Variants in BCKDHB observed in about 807,000 individuals in gnomAD.
BCKDHB encodes the protein 2-oxoisovalerate dehydrogenase subunit beta, mitochondrial.
A neutral mutation model predicts 48.5 loss-of-function variants in BCKDHB; 41 were observed. That is an observed-to-expected ratio of 0.85 (90% CI 0.66 to 1.10). The LOEUF is 1.10. Among genes scored for constraint, BCKDHB ranks in the 50% least tolerant of loss-of-function variants. BCKDHB has a pLI of 0.00. For synonymous variants in BCKDHB, 201 were observed against 174.8 expected (o/e 1.15, Z -1.18); for missense variants, 496 against 494.2 (o/e 1.00, Z -0.03).
At chr6:80,356,925 C>G in the BCKDHB span, 2 of 118,618 alleles carry the variant, frequency 1.7e-5, no homozygotes, top group African/African-American at 6.5e-5. Flanking sequence ...TTTTCCCTCT[C>G]TCTCTCTCTC....
the BCKDHB span, among the ~76,000 whole-genome samples, chr6:80,393,366 G>A: frequency 7.4e-3 from 1,132 of 152,180 alleles, 14 homozygotes; most frequent in African/African-American, 0.025. Context: ...TAGGAAGTGG[G>A]GCCTTTAGGA....
intron 3 of BCKDHB, among the ~76,000 whole-genome samples, chr6:80,145,050 T>C (rs1326494797): frequency 1.3e-5 from 2 of 152,210 alleles, no homozygotes; most frequent in Admixed American, 1.3e-4. Flanking sequence ...GATTTTCTTG[T>C]TCAGTTTTAT....
At chr6:80,281,073 A>C (rs1428537187) in intron 9 of BCKDHB, among the ~76,000 whole-genome samples, 1 of 151,846 alleles carries the variant, frequency 6.6e-6, no homozygotes, top group African/African-American at 2.4e-5. Flanking sequence ...TACATTTTAG[A>C]TTTGTATCTG....
At chr6:80,337,471 C>A (rs1192681526) in intron 9 of BCKDHB, among the ~76,000 whole-genome samples, 1 of 151,854 alleles carries the variant, frequency 6.6e-6, no homozygotes, top group African/African-American at 2.4e-5. Flanking sequence ...AAATGGTGTT[C>A]CAATTTAGGT....
intron 8 of BCKDHB, among the ~76,000 whole-genome samples, chr6:80,219,844 A>G (rs1315929759): frequency 6.8e-6 from 1 of 147,872 alleles, no homozygotes; most frequent in East Asian, 1.9e-4. Flanking sequence ...ATGCTTCATT[A>G]TATACTAGTG....
At chr6:80,324,118 T>TA in intron 9 of BCKDHB, among the ~76,000 whole-genome samples, 1 of 152,174 alleles carries the variant, frequency 6.6e-6, no homozygotes, top group Non-Finnish European at 1.5e-5. Context: ...CCTTTCATCT[T>TA]ACAGTAGAGG....
chr6:80,396,991 T>A, the BCKDHB span, among the ~76,000 whole-genome samples: 1 of 152,222 alleles, frequency 6.6e-6, no homozygotes, highest in Non-Finnish European at 1.5e-5. Context: ...CAGTTGTGTA[T>A]GTTGTATCCT....
intron 9 of BCKDHB, among the ~76,000 whole-genome samples, chr6:80,274,177 T>C (rs1777869813): frequency 6.6e-6 from 1 of 152,018 alleles, no homozygotes; most frequent in African/African-American, 2.4e-5. Context: ...CAATGAAATA[T>C]CTTAAGTGCT....
At chr6:80,313,721 T>G (rs568055872) in intron 9 of BCKDHB, among the ~76,000 whole-genome samples, 65 of 152,312 alleles carry the variant, frequency 4.3e-4, no homozygotes, top group Non-Finnish European at 8.4e-4. Context: ...CTAGATTTGT[T>G]GATGTTTTGA....
chr6:80,299,003 CA>C (rs1562213132), intron 9 of BCKDHB, among the ~76,000 whole-genome samples: 1 of 152,074 alleles, frequency 6.6e-6, no homozygotes, highest in Non-Finnish European at 1.5e-5. Context: ...CAGATTAATC[CA>C]AAGAGAATAC....
intron 6 of BCKDHB, among the ~76,000 whole-genome samples, chr6:80,200,574 G>A (rs9688524): frequency 0.078 from 11,821 of 151,924 alleles, 536 homozygotes; most frequent in South Asian, 0.099. Flanking sequence ...CCACACACAG[G>A]GTTTGCCTTA....
intron 8 of BCKDHB, among the ~76,000 whole-genome samples, chr6:80,240,076 G>T (rs1776316748): frequency 1.3e-5 from 2 of 152,108 alleles, no homozygotes; most frequent in African/African-American, 4.8e-5. Context: ...GAATTGTCTT[G>T]GGAATGTGGG....
At chr6:80,321,027 C>T (rs700491) in intron 9 of BCKDHB, among the ~76,000 whole-genome samples, 118,761 of 152,044 alleles carry the variant, frequency 0.78, 46,744 homozygotes, top group Admixed American at 0.86. Context: ...ACCAAGAACA[C>T]CCAGGATAGA....
At chr6:80,420,166 C>A in the BCKDHB span, among the ~76,000 whole-genome samples, 3 of 152,170 alleles carry the variant, frequency 2.0e-5, no homozygotes, top group Non-Finnish European at 2.9e-5. Flanking sequence ...TTAAGGTCAG[C>A]CACTACCCAC....
At chr6:80,148,619 T>C (rs1771604836) in intron 3 of BCKDHB, among the ~76,000 whole-genome samples, 1 of 152,144 alleles carries the variant, frequency 6.6e-6, no homozygotes, top group South Asian at 2.1e-4. Flanking sequence ...TTTAAAAATA[T>C]CTGTGAGATT....
chr6:80,437,681 T>C, the BCKDHB span, among the ~76,000 whole-genome samples: 1 of 152,228 alleles, frequency 6.6e-6, no homozygotes, highest in African/African-American at 2.4e-5. Flanking sequence ...TTAAGACTAA[T>C]TTCTTTGATG....
the BCKDHB span, among the ~76,000 whole-genome samples, chr6:80,425,178 AG>A: frequency 2.6e-5 from 4 of 152,204 alleles, no homozygotes; most frequent in Non-Finnish European, 5.9e-5. Flanking sequence ...CCAAATATAC[AG>A]GGGATAATGA....
At chr6:80,408,615 T>A in the BCKDHB span, among the ~76,000 whole-genome samples, 2 of 152,176 alleles carry the variant, frequency 1.3e-5, no homozygotes, top group African/African-American at 4.8e-5. Context: ...ATTTATTCAT[T>A]TTTTCTAGAT....
At chr6:80,401,952 A>G in the BCKDHB span, among the ~76,000 whole-genome samples, 5,829 of 151,840 alleles carry the variant, frequency 0.038, 390 homozygotes, top group African/African-American at 0.13. Flanking sequence ...ATAATATTCT[A>G]TTGCATATTG....
Sources: allele counts gnomAD v4.1 joint callset (sites outside exome capture counted in the v4.1 genomes callset), GRCh38; gene constraint gnomAD v4.1.1; transcripts MANE v1.5; gene names NCBI Gene and HGNC (gene_info 2026-07-23, HGNC 2026-07-21).